The following ABLIM1 variants were observed in gnomAD, a reference collection of about 807,000 sequenced individuals.
ABLIM1 encodes actin binding LIM protein 1, also known as actin-binding LIM protein 1.
ABLIM1 carries 40 observed loss-of-function variants against 107.0 expected under a neutral mutation model. The ratio of observed to expected loss-of-function variants is 0.37; its 90% CI spans 0.29 to 0.49. ABLIM1 has a LOEUF of 0.49. Among genes scored for constraint, ABLIM1 ranks in the 20% least tolerant of loss-of-function variants. The pLI is 0.97. For missense variants in ABLIM1, 857 were observed against 1,008.5 expected (o/e 0.85, Z 2.04); for synonymous variants, 357 against 357.3 (o/e 1.00, Z 0.01).
intron 6 of ABLIM1, among the ~76,000 whole-genome samples, chr10:114,533,399 A>G (rs1005267334): frequency 2.0e-5 from 3 of 152,166 alleles, no homozygotes; most frequent in Admixed American, 1.3e-4. Flanking sequence ...AAAAGGACAT[A>G]TTATTATAAT....
intron 6 of ABLIM1, among the ~76,000 whole-genome samples, chr10:114,524,600 AAAC>A (rs1313180262): frequency 6.6e-6 from 1 of 152,182 alleles, no homozygotes; most frequent in African/African-American, 2.4e-5. Context: ...CAACAACAAA[AAAC>A]TCTATATTTA....
upstream of ABLIM1, among the ~76,000 whole-genome samples, chr10:114,771,973 A>G (rs2083029850): frequency 6.6e-6 from 1 of 152,220 alleles, no homozygotes; most frequent in African/African-American, 2.4e-5. Context: ...TCTTACTCCC[A>G]CAGCTTTTCA....
At chr10:114,616,755 G>A (rs141674498) in intron 1 of ABLIM1, among the ~76,000 whole-genome samples, 8 of 152,306 alleles carry the variant, frequency 5.3e-5, no homozygotes, top group Non-Finnish European at 8.8e-5. Flanking sequence ...ATTTTACTCA[G>A]TCGAAAGGAA....
chr10:114,788,120 A>G, the ABLIM1 span, among the ~76,000 whole-genome samples: 11 of 151,854 alleles, frequency 7.2e-5, no homozygotes, highest in Admixed American at 2.0e-4. Flanking sequence ...TTAAACAGAC[A>G]CTTGAAGGCA....
chr10:114,758,371 GA>G (rs945696988), intron 1 of ABLIM1, among the ~76,000 whole-genome samples: 34 of 152,184 alleles, frequency 2.2e-4, no homozygotes, highest in Non-Finnish European at 4.7e-4. Flanking sequence ...AGGAACTGGT[GA>G]AAAAAACTCA....
chr10:114,685,781 A>G (rs2080920175), upstream of ABLIM1, among the ~76,000 whole-genome samples: 2 of 152,206 alleles, frequency 1.3e-5, no homozygotes, highest in African/African-American at 4.8e-5. Context: ...TTCTCATGAT[A>G]GTGATTCCAT....
At chr10:114,660,849 G>T (rs1566196028), upstream of ABLIM1, among the ~76,000 whole-genome samples, 1 of 152,238 alleles carries the variant, frequency 6.6e-6, no homozygotes, top group East Asian at 1.9e-4. Context: ...GGACAGAAAA[G>T]AGACTATTTC....
intron 1 of ABLIM1, chr10:114,632,835 A>C: frequency 1.5e-4 from 147 of 966,382 alleles, no homozygotes; most frequent in Non-Finnish European, 1.7e-4. Flanking sequence ...AAACAGCCTC[A>C]TCTAGTTCGG....
intron 1 of ABLIM1, among the ~76,000 whole-genome samples, chr10:114,676,138 C>T (rs1017558138): frequency 2.0e-5 from 3 of 152,074 alleles, no homozygotes; most frequent in Non-Finnish European, 2.9e-5. Flanking sequence ...TGGGGCAAGA[C>T]GACTTCTCAA....
intron 1 of ABLIM1, chr10:114,632,341 C>T (rs1022968522): frequency 2.4e-5 from 24 of 985,260 alleles, no homozygotes; most frequent in Non-Finnish European, 2.9e-5. Flanking sequence ...TAAATGATTG[C>T]CAGGAAGAGG....
chr10:114,668,915 T>C (rs909009706), intron 1 of ABLIM1, among the ~76,000 whole-genome samples: 1 of 152,022 alleles, frequency 6.6e-6, no homozygotes, highest in Non-Finnish European at 1.5e-5. Context: ...CACCCGGAGG[T>C]GAGAGCTGAG....
At chr10:114,452,570 C>T (rs1287545201) in intron 13 of ABLIM1, among the ~76,000 whole-genome samples, 6 of 152,120 alleles carry the variant, frequency 3.9e-5, no homozygotes, top group Non-Finnish European at 8.8e-5. Context: ...TAAATATGTA[C>T]ACTTACATTA....
the ABLIM1 span, among the ~76,000 whole-genome samples, chr10:114,784,277 CG>C: frequency 6.6e-6 from 1 of 150,768 alleles, no homozygotes; most frequent in Non-Finnish European, 1.5e-5. Context: ...ACCTGGGAGG[CG>C]GAAGTTGCAG....
intron 1 of ABLIM1, among the ~76,000 whole-genome samples, chr10:114,608,788 G>A (rs985232888): frequency 6.6e-6 from 1 of 152,070 alleles, no homozygotes; most frequent in Non-Finnish European, 1.5e-5. Flanking sequence ...GCCAAGGCGG[G>A]TGGATCAACT....
upstream of ABLIM1, among the ~76,000 whole-genome samples, chr10:114,769,453 AAGAAAGAAAGAAAGAAAGAAAGAAAG>A (rs1467889725): frequency 3.0e-4 from 19 of 62,418 alleles, no homozygotes; most frequent in African/African-American, 9.2e-4. Flanking sequence ...GAAAGAAAGA[AAGAAAGAAAGAAAGAAAGAAAGAAAG>A]AGAAAGAAAG....
chr10:114,492,814 C>T (rs1355507822), intron 6 of ABLIM1, among the ~76,000 whole-genome samples: 1 of 152,200 alleles, frequency 6.6e-6, no homozygotes, highest in Non-Finnish European at 1.5e-5. Context: ...TCAGAACCTG[C>T]ATGAAACTGC....
At chr10:114,741,216 CTTTTTTTTTTT>C (rs751287379) in intron 1 of ABLIM1, among the ~76,000 whole-genome samples, 6 of 59,890 alleles carry the variant, frequency 1.0e-4, no homozygotes, top group African/African-American at 2.1e-4. Flanking sequence ...GACTATTCTT[CTTTTTTTTTTT>C]TTTTTTTTTT....
At chr10:114,440,788 C>G (rs1234993343) in intron 19 of ABLIM1, 1 of 638,394 alleles carries the variant, frequency 1.6e-6, no homozygotes, top group East Asian at 3.2e-5. Flanking sequence ...GTGCTCAGCA[C>G]ATAGTATGAG....
intron 1 of ABLIM1, among the ~76,000 whole-genome samples, chr10:114,663,950 A>T (rs2079900673): frequency 6.6e-6 from 1 of 152,180 alleles, no homozygotes; most frequent in South Asian, 2.1e-4. Flanking sequence ...TTCTAATGGC[A>T]CCGTTTGAAG....
Sources: gnomAD v4.1 joint callset for allele counts (sites outside exome capture counted in the v4.1 genomes callset) on GRCh38, gnomAD v4.1.1 for gene constraint, MANE v1.5 for transcripts, NCBI Gene and HGNC (gene_info 2026-07-23, HGNC 2026-07-21) for gene names.